The following RYR2 variants were observed in gnomAD, a reference collection of about 807,000 sequenced individuals.
RYR2 encodes ryanodine receptor 2.
A neutral mutation model predicts 601.1 loss-of-function variants in RYR2; 227 were observed. The observed-to-expected ratio is 0.38, with a 90% confidence interval of 0.34 to 0.42. The LOEUF is 0.42. RYR2 is among the 10% of genes least tolerant of loss of function. RYR2 has a pLI of 1.00. For synonymous variants in RYR2, 2,223 were observed against 2,175.1 expected (o/e 1.02, Z -0.61); for missense variants, 4,646 against 6,156.5 (o/e 0.75, Z 8.21).
At chr1:237,508,269 A>G (rs1463109592) in intron 23 of RYR2, among the ~76,000 whole-genome samples, 1 of 152,114 alleles carries the variant, frequency 6.6e-6, no homozygotes, top group Non-Finnish European at 1.5e-5. Flanking sequence ...GGCCTCATCA[A>G]TTCTTAAAAT....
At chr1:237,195,591 A>G (rs1163561186) in intron 1 of RYR2, among the ~76,000 whole-genome samples, 1 of 152,188 alleles carries the variant, frequency 6.6e-6, no homozygotes, top group East Asian at 1.9e-4. Context: ...CTATACATTC[A>G]TTAGGAAGTG....
intron 66 of RYR2, among the ~76,000 whole-genome samples, chr1:237,702,582 G>A (rs538848957): frequency 8.6e-5 from 13 of 152,046 alleles, no homozygotes; most frequent in African/African-American, 3.1e-4. Flanking sequence ...TTTTTAAAAG[G>A]TCAGAATAAA....
At chr1:237,651,324 C>A in intron 50 of RYR2, 87 bp from the exon 51 acceptor site, 2 of 920,782 alleles carry the variant, frequency 2.2e-6, no homozygotes, top group South Asian at 2.8e-5. Flanking sequence ...GATTCAGGTC[C>A]TTGGCTGATA....
chr1:237,416,074 A>G lies in RYR2; in HGVS notation c.774-975A>G, dbSNP rs557536822. ...TGAGAATGGTGTTAGAAAAACTTTC[A>G]AGACAATAGGAGTTTCCACAGTGTT... On this transcript the variant is annotated intron_variant, in intron 10 of 104. Coordinates refer to ENST00000366574, the MANE Select transcript of RYR2 (RefSeq NM_001035.3). 8.5e-5 allele frequency among the ~76,000 whole-genome samples: 13 copies of G among 152,278 alleles called. No individual in the cohort carries two copies. In the South Asian group the frequency reaches 2.7e-3, roughly 32 times the overall value.
At chr1:237,464,742 C>G (rs1659878179) in intron 16 of RYR2, among the ~76,000 whole-genome samples, 1 of 152,138 alleles carries the variant, frequency 6.6e-6, no homozygotes, top group African/African-American at 2.4e-5. Flanking sequence ...TGGAATCATG[C>G]TATCAATGTT....
At chr1:237,794,630 T>A (rs1321692471) in intron 95 of RYR2, among the ~76,000 whole-genome samples, 1 of 152,266 alleles carries the variant, frequency 6.6e-6, no homozygotes, top group East Asian at 1.9e-4. Flanking sequence ...GTTGTAATAG[T>A]TTATATTTAC....
chr1:237,566,712 T>G lies in RYR2; in HGVS notation c.3360T>G (p.Pro1120=). The change falls in exon 28 of 105, where the codon CCT becomes CCG. Residue 1120 remains proline (P), a synonymous_variant. Transcript: ENST00000366574. ...ACATGAGGGTTGGTTGGAGTCGTCC[T>G]GGTTGTCAACCGGATCAGGAGCTTG... ...AGDMRVGWSR[P]GCQPDQELGS... 1 of 1,614,016 alleles carries G rather than the reference T, an allele frequency of 6.2e-7. No homozygotes were observed. The highest frequency in any genetic ancestry group is 8.5e-7 in the Non-Finnish European group (1 of 1,179,888).
chr1:237,658,468 T>G (rs1683458696), intron 54 of RYR2, among the ~76,000 whole-genome samples: 1 of 152,142 alleles, frequency 6.6e-6, no homozygotes, highest in African/African-American at 2.4e-5. Context: ...CATACCTCAC[T>G]GCAGCCTGGA....
At chr1:237,441,043 A>G (rs1203855535) in intron 12 of RYR2, among the ~76,000 whole-genome samples, 1 of 152,154 alleles carries the variant, frequency 6.6e-6, no homozygotes, top group Admixed American at 6.5e-5. Context: ...GTTTAGCTTA[A>G]CTACTGATTT....
At chr1:237,509,361 T>A (rs1007148997) in intron 23 of RYR2, among the ~76,000 whole-genome samples, 4 of 152,244 alleles carry the variant, frequency 2.6e-5, no homozygotes, top group African/African-American at 9.6e-5. Flanking sequence ...TATGTGCCTG[T>A]TACTATGCTA....
intron 58 of RYR2, among the ~76,000 whole-genome samples, chr1:237,669,551 A>T (rs1184450574): frequency 6.7e-6 from 1 of 149,954 alleles, no homozygotes; most frequent in Non-Finnish European, 1.5e-5. Context: ...TGCCGGGCGG[A>T]GGGGCTCCTC....
intron 13 of RYR2, among the ~76,000 whole-genome samples, chr1:237,444,506 A>G (rs2150161033): frequency 6.6e-6 from 1 of 152,282 alleles, no homozygotes; most frequent in South Asian, 2.1e-4. Context: ...GGTGTATTAA[A>G]TTATCTTGCT....
At chr1:237,668,988 A>C (rs1013254129) in intron 58 of RYR2, among the ~76,000 whole-genome samples, 4 of 151,744 alleles carry the variant, frequency 2.6e-5, no homozygotes, top group South Asian at 4.2e-4. Context: ...CAAGTGAACA[A>C]AGGTCTCTGG....
At chr1:237,256,968 A>G (rs1688049575) in intron 1 of RYR2, among the ~76,000 whole-genome samples, 1 of 151,964 alleles carries the variant, frequency 6.6e-6, no homozygotes, top group African/African-American at 2.4e-5. Flanking sequence ...CTCCATTCAA[A>G]CCAATTTGCT....
intron 3 of RYR2, among the ~76,000 whole-genome samples, chr1:237,354,136 C>G (rs1699094917): frequency 6.6e-6 from 1 of 152,212 alleles, no homozygotes. Flanking sequence ...TCACTCCCAG[C>G]AATGCTGTTG....
intron 54 of RYR2, among the ~76,000 whole-genome samples, chr1:237,659,421 G>A (rs1434746617): frequency 6.6e-6 from 1 of 152,188 alleles, no homozygotes; most frequent in East Asian, 1.9e-4. Flanking sequence ...ATGGTGATAT[G>A]TACAGATGGG....
intron 1 of RYR2, among the ~76,000 whole-genome samples, chr1:237,241,373 T>A (rs10925348): frequency 0.32 from 48,931 of 152,108 alleles, 7,931 homozygotes; most frequent in Middle Eastern, 0.39. Flanking sequence ...GCATTTGAAT[T>A]ACTCTTGGTC....
At chr1:237,332,543 A>G (rs1057427693) in intron 3 of RYR2, among the ~76,000 whole-genome samples, 1 of 152,206 alleles carries the variant, frequency 6.6e-6, no homozygotes, top group African/African-American at 2.4e-5. Context: ...TCTACCTGAA[A>G]TAACCCCTCC....
intron 2 of RYR2, among the ~76,000 whole-genome samples, chr1:237,316,027 G>A (rs1044968220): frequency 2.0e-5 from 3 of 152,056 alleles, no homozygotes; most frequent in African/African-American, 7.2e-5. Flanking sequence ...GAAGAGATGG[G>A]GGCAGGGGGA....
Sources: allele counts gnomAD v4.1 joint callset (sites outside exome capture counted in the v4.1 genomes callset), GRCh38; gene constraint gnomAD v4.1.1; transcripts MANE v1.5; gene names NCBI Gene and HGNC (gene_info 2026-07-23, HGNC 2026-07-21).